The following LMF1 variants were observed in gnomAD, a reference collection of about 807,000 sequenced individuals.
LMF1 encodes the protein lipase maturation factor 1, also known as transmembrane protein 112.
LMF1 carries 68 observed loss-of-function variants against 60.6 expected under a neutral mutation model. That is an observed-to-expected ratio of 1.12 (90% CI 0.92 to 1.37). The LOEUF is 1.37. LMF1 is among the 40% of genes most tolerant of loss of function. The pLI is 0.00. For synonymous variants in LMF1, 418 were observed against 324.7 expected (o/e 1.29, Z -3.09); for missense variants, 948 against 767.2 (o/e 1.24, Z -2.78).
chr16:876,107 G>A lies in LMF1; in HGVS notation c.897+3463C>T, dbSNP rs530831861. On this transcript the variant is annotated intron_variant, in intron 6 of 10. Coordinates refer to ENST00000262301, the MANE Select transcript of LMF1 (RefSeq NM_022773.4). ...CGCCCTGTGGGAAGCACATGTGCCCGGGGCTCCGTCTGTTGCCCTTCAGAG... is the reference window on the plus strand; with the variant it reads ...CGCCCTGTGGGAAGCACATGTGCCCAGGGCTCCGTCTGTTGCCCTTCAGAG... Among the ~76,000 whole-genome samples, 55 of 152,360 alleles carry A rather than the reference G, an allele frequency of 3.6e-4. 1 individual carries two copies. Among genetic ancestry groups the A allele is most frequent in the Admixed American group, 2.7e-3 (41 of 15,308 alleles).
At chr16:947,706 C>T (rs912432639) in intron 2 of LMF1, 15 of 398,172 alleles carry the variant, frequency 3.8e-5, no homozygotes, top group Non-Finnish European at 6.5e-5. Flanking sequence ...TGAAGAGCAG[C>T]AAAGCAGCCT....
upstream of LMF1, chr16:971,018 CT>C (rs768402761): frequency 1.1e-5 from 7 of 611,796 alleles, no homozygotes; most frequent in African/African-American, 8.0e-5. Flanking sequence ...CCCGCCCATT[CT>C]CGGAGGCCCC....
rs192975622 is a variant in LMF1 at position 884,500 on chromosome 16, T to C, written c.730-4763A>G. On this transcript the variant is annotated intron_variant, in intron 5 of 10. Transcript: ENST00000262301. ...GGTGAAATAAAGACTTTGTCAGACA[T>C]TGACAAGCTGAAAGAACTTGTCACC... Among the ~76,000 whole-genome samples the C allele has an allele frequency of 1.7e-3, 266 of 152,352 alleles. 1 individual carries two copies. Among genetic ancestry groups the C allele is most frequent in the African/African-American group, 6.0e-3 (251 of 41,582 alleles).
At chr16:978,352 A>AT (rs2073236914) in intron 1 of LMF1, among the ~76,000 whole-genome samples, 2 of 107,172 alleles carry the variant, frequency 1.9e-5, no homozygotes, top group Non-Finnish European at 3.8e-5. Context: ...ACAAACACAC[A>AT]CCACACACAC....
At chr16:945,567 T>TA (rs1433408873) in intron 2 of LMF1, among the ~76,000 whole-genome samples, 2 of 151,346 alleles carry the variant, frequency 1.3e-5, no homozygotes, top group Admixed American at 1.3e-4. Context: ...GGGTCAGAGT[T>TA]AAAAAATTTA....
chr16:919,433 C>T (rs939879716), intron 3 of LMF1, among the ~76,000 whole-genome samples: 25 of 149,824 alleles, frequency 1.7e-4, no homozygotes, highest in African/African-American at 6.2e-4. Context: ...ACCTTCATCA[C>T]TGCTGAGCCC....
chr16:901,881 G>C (rs61136056), intron 4 of LMF1: 10,999 of 152,530 alleles, frequency 0.072, 467 homozygotes, highest in Middle Eastern at 0.14. Flanking sequence ...AGGAAGCCAT[G>C]ACCCGCACAA....
chr16:954,047 G>A lies in LMF1; in HGVS notation c.503+310C>T, dbSNP rs199984266. On this transcript the variant is annotated intron_variant, in intron 2 of 10. Coordinates refer to ENST00000262301, the MANE Select transcript of LMF1 (RefSeq NM_022773.4). ...CCCACCCCAAACCAGCCTCCTACAC[G>A]TCCACACAGACACAGACCCACTGCT... is the stretch of plus-strand genomic sequence containing the variant. Among the ~76,000 whole-genome samples the A allele has an allele frequency of 7.6e-4, 100 of 131,652 alleles. 9 individuals are homozygous for A. The highest frequency in any genetic ancestry group is 1.6e-3 in the Admixed American group (20 of 12,874). The allele number at this position is 131,652 out of a possible 152,430, so 86.4% of individuals were successfully genotyped here. A position where few individuals can be genotyped will look rare whatever the true frequency, so the allele number is the denominator to read the frequency against.
intron 1 of LMF1, among the ~76,000 whole-genome samples, chr16:964,927 T>C (rs1369935072): frequency 6.6e-6 from 1 of 152,160 alleles, no homozygotes; most frequent in Non-Finnish European, 1.5e-5. Context: ...GGAAGGGCGG[T>C]GAGCAGGCGC....
chr16:895,253 C>T (rs2151734886), intron 4 of LMF1, among the ~76,000 whole-genome samples: 1 of 152,314 alleles, frequency 6.6e-6, no homozygotes, highest in East Asian at 1.9e-4. Context: ...CCAGCTCCAG[C>T]CTCGGTCTCC....
rs537613605 is a variant in LMF1 at position 878,336 on chromosome 16, C to T, written c.897+1234G>A. Among the ~76,000 whole-genome samples, 611 of 152,240 alleles carry T rather than the reference C, an allele frequency of 4.0e-3. 5 individuals carry two copies. The highest frequency in any genetic ancestry group is 0.013 in the African/African-American group (538 of 41,524). ...CCGGTGCCAGCCTCCAAGCAGCTAA[C>T]GCGGAAAAGCCCGAGGGAGTCAGGA... On this transcript the variant is annotated intron_variant, in intron 6 of 10. Coordinates refer to ENST00000262301, the MANE Select transcript of LMF1 (RefSeq NM_022773.4). This position sits in a 1 kb window ranked among gnomAD's most constrained non-coding sequence, Gnocchi z 5.2.
Position 871,282 on chromosome 16 carries a change from G to C in LMF1, c.957C>G (p.Ser319Arg), listed in dbSNP as rs774248480. The change falls in exon 7 of 11, where the codon AGC becomes AGG. Residue 319 changes from serine (S) to arginine (R), a missense_variant. Coordinates refer to ENST00000262301, the MANE Select transcript of LMF1 (RefSeq NM_022773.4). Reference sequence around the variant, plus strand: ...GGGTGGCGTCATCAAAGCAGGCCAGGCTGGGCACCATAGTCAGCCAGTTCA... The same window carrying C: ...GGGTGGCGTCATCAAAGCAGGCCAGCCTGGGCACCATAGTCAGCCAGTTCA... ...SFLNWLTMVPSLACFDDATLG... is the reference protein window; with the variant it reads ...SFLNWLTMVPRLACFDDATLG... 4.3e-6 allele frequency: 7 copies of C among 1,612,464 alleles called. No individual in the cohort carries two copies. Among genetic ancestry groups the C allele is most frequent in the African/African-American group, 2.7e-5 (2 of 74,944 alleles).
Position 970,843 on chromosome 16 carries a change from C to T in LMF1, c.138G>A (p.Thr46=). 1 of 1,553,808 alleles carries T rather than the reference C, an allele frequency of 6.4e-7. No individual in the cohort carries two copies. The part of the protein sequence containing the change: ...GPAGSPAHLH[T]GTFWLTRIVL... ...CGATCCGGGTCAGCCAGAAGGTGCC[C>T]GTGTGGAGATGGGCCGGAGAGCCTG... is the stretch of plus-strand genomic sequence containing the variant. The change falls in exon 1 of 11, where the codon ACG becomes ACA. Residue 46 remains threonine (T), a synonymous_variant. Transcript: ENST00000262301.
intron 2 of LMF1, among the ~76,000 whole-genome samples, chr16:949,523 GCCAACGAC>G (rs2072376832): frequency 6.9e-6 from 1 of 143,962 alleles, no homozygotes; most frequent in Non-Finnish European, 1.5e-5. Context: ...GACAGAGTCA[GCCAACGAC>G]AGAGTCAGAG....
rs2069929350 is a variant in LMF1 at position 874,983 on chromosome 16, T to A, written c.898-3642A>T. 6.6e-6 allele frequency among the ~76,000 whole-genome samples: 1 copy of A among 152,090 alleles called. No individual in the cohort carries two copies. Among genetic ancestry groups the A allele is most frequent in the Non-Finnish European group, 1.5e-5 (1 of 67,990 alleles). On this transcript the variant is annotated intron_variant, in intron 6 of 10. Coordinates refer to ENST00000262301, the MANE Select transcript of LMF1 (RefSeq NM_022773.4). This position sits in a 1 kb window ranked among gnomAD's most constrained non-coding sequence, Gnocchi z 4.1. ...CCACACTGCCTGTGAGGGGGCAGGATACATCGCAGCCGGGACTGCCGGCCG... is the reference window on the plus strand; with the variant it reads ...CCACACTGCCTGTGAGGGGGCAGGAAACATCGCAGCCGGGACTGCCGGCCG...
intron 1 of LMF1, among the ~76,000 whole-genome samples, chr16:964,295 CAAA>C (rs68176791): frequency 6.3e-5 from 4 of 63,814 alleles, no homozygotes; most frequent in South Asian, 5.7e-4. Flanking sequence ...AACTCTGTCT[CAAA>C]AAAAAAAAAA....
chr16:963,334 C>A (rs2072853036), intron 1 of LMF1, among the ~76,000 whole-genome samples: 1 of 152,124 alleles, frequency 6.6e-6, no homozygotes, highest in South Asian at 2.1e-4. Context: ...ACCGCACCAG[C>A]AGCTTCCACA....
chr16:965,170 G>C (rs1460861133), intron 1 of LMF1, among the ~76,000 whole-genome samples: 1 of 152,230 alleles, frequency 6.6e-6, no homozygotes, highest in Non-Finnish European at 1.5e-5. Flanking sequence ...GCCAAGCGGT[G>C]GGTTCTGTGT....
chr16:867,933 T>C (rs8045923), intron 10 of LMF1, among the ~76,000 whole-genome samples: 22,095 of 151,870 alleles, frequency 0.15, 3,480 homozygotes, highest in African/African-American at 0.4. Flanking sequence ...TTGGCTGGGG[T>C]CTCCAGGCAG....
Sources: gnomAD v4.1 joint callset for allele counts (sites outside exome capture counted in the v4.1 genomes callset) on GRCh38, gnomAD v4.1.1 for gene constraint, Gnocchi (gnomAD v3.1) non-coding constraint, MANE v1.5 for transcripts, NCBI Gene and HGNC (gene_info 2026-07-23, HGNC 2026-07-21) for gene names.